The following RGS20 variants were observed in gnomAD, a reference collection of about 807,000 sequenced individuals.
The protein encoded by RGS20 is regulator of G protein signaling 20.
A neutral mutation model predicts 33.6 loss-of-function variants in RGS20; 30 were observed. The ratio of observed to expected loss-of-function variants is 0.89; its 90% CI spans 0.67 to 1.21. RGS20 has a LOEUF of 1.21. RGS20 is among the 50% of genes most tolerant of loss of function. The pLI is 0.00. For missense variants in RGS20, 472 were observed against 502.4 expected (o/e 0.94, Z 0.58); for synonymous variants, 208 against 197.9 (o/e 1.05, Z -0.43).
chr8:53,876,812 C>T (rs1812219213), intron 1 of RGS20, among the ~76,000 whole-genome samples: 1 of 152,220 alleles, frequency 6.6e-6, no homozygotes, highest in South Asian at 2.1e-4. Flanking sequence ...TGACTGTCTC[C>T]AGAGGAGCAA....
At chr8:53,922,611 T>C (rs1813680149) in intron 2 of RGS20, among the ~76,000 whole-genome samples, 1 of 152,226 alleles carries the variant, frequency 6.6e-6, no homozygotes, top group Non-Finnish European at 1.5e-5. Context: ...TTGTTTTATG[T>C]TGATATTTTC....
intron 2 of RGS20, among the ~76,000 whole-genome samples, chr8:53,892,542 G>T (rs1184281569): frequency 2.0e-5 from 3 of 152,154 alleles, no homozygotes; most frequent in African/African-American, 7.2e-5. Flanking sequence ...GCTTCAGATT[G>T]CAGTTATGTA....
intron 1 of RGS20, among the ~76,000 whole-genome samples, chr8:53,853,462 A>T (rs1811608953): frequency 1.3e-5 from 2 of 152,238 alleles, no homozygotes; most frequent in Non-Finnish European, 2.9e-5. Flanking sequence ...CTAACCTGTT[A>T]ACAGGTTCCA....
At chr8:53,871,877 T>G (rs7004580) in intron 1 of RGS20, among the ~76,000 whole-genome samples, 144,632 of 152,060 alleles carry the variant, frequency 0.95, 68,858 homozygotes, top group East Asian at 1. Context: ...CCAATTCCAG[T>G]AGCTTTAAAT....
intron 2 of RGS20, among the ~76,000 whole-genome samples, chr8:53,915,988 G>C (rs1813473016): frequency 6.6e-6 from 1 of 151,878 alleles, no homozygotes; most frequent in South Asian, 2.1e-4. Flanking sequence ...GGTAAAATAT[G>C]CTTTAATAAT....
chr8:53,862,975 ATTTTC>A (rs537731016), intron 1 of RGS20, among the ~76,000 whole-genome samples: 10 of 151,884 alleles, frequency 6.6e-5, no homozygotes, highest in South Asian at 2.1e-4. Flanking sequence ...AGCTCATGAC[ATTTTC>A]TTTTCTTTTC....
rs535495503 is a variant in RGS20, at chr8:53,906,673, G to A, written c.510+27071G>A. On this transcript the variant is annotated intron_variant, in intron 2 of 5. Transcript: ENST00000297313. The stretch of plus-strand genomic sequence containing the variant: ...TACAGGAGGATATTCCTGGAATATC[G>A]CAGTGCTTTTCATGCACCTGGGAAC... Among the ~76,000 whole-genome samples, 6 of 152,278 alleles carry A rather than the reference G, an allele frequency of 3.9e-5. No individual in the cohort carries two copies. The South Asian group carries it at 6.2e-4, about 16-fold the overall frequency.
chr8:53,934,254 A>G (rs1190836145), intron 2 of RGS20, among the ~76,000 whole-genome samples: 1 of 152,216 alleles, frequency 6.6e-6, no homozygotes, highest in Non-Finnish European at 1.5e-5. Context: ...ATTCACACAT[A>G]ACAATATTAA....
chr8:53,881,046 G>C (rs576915902), intron 2 of RGS20: 3 of 1,555,698 alleles, frequency 1.9e-6, no homozygotes, highest in Non-Finnish European at 1.7e-6. Flanking sequence ...CGAGCCGGCC[G>C]GGGCTTCCTC....
At chr8:53,882,564 C>T (rs1168809621) in intron 2 of RGS20, among the ~76,000 whole-genome samples, 5 of 150,596 alleles carry the variant, frequency 3.3e-5, no homozygotes, top group African/African-American at 1.2e-4. Context: ...GGAATCTCCT[C>T]GATTCCTGTC....
At chr8:53,873,960 A>G (rs1480721864) in intron 1 of RGS20, among the ~76,000 whole-genome samples, 1 of 152,148 alleles carries the variant, frequency 6.6e-6, no homozygotes, top group Non-Finnish European at 1.5e-5. Flanking sequence ...GCCCTTTAGG[A>G]GGCCGAGGAG....
Position 53,857,838 on chromosome 8 carries a change from C to T in RGS20, c.165+5774C>T, listed in dbSNP as rs183954217. Among the ~76,000 whole-genome samples the T allele has an allele frequency of 5.3e-5, 8 of 151,938 alleles. No individual in the cohort carries two copies. In the East Asian group the frequency reaches 1.4e-3, roughly 26 times the overall value. On this transcript the variant is annotated intron_variant, in intron 1 of 5. Coordinates refer to ENST00000297313, the MANE Select transcript of RGS20 (RefSeq NM_170587.4). Reference sequence around the variant, plus strand: ...TTCCAAACATTTTGTTTAAGGAATACTTAGCTTGTAATCATGTATATTTCA... The same window carrying T: ...TTCCAAACATTTTGTTTAAGGAATATTTAGCTTGTAATCATGTATATTTCA...
intron 4 of RGS20, among the ~76,000 whole-genome samples, chr8:53,947,131 A>G (rs906449714): frequency 3.4e-5 from 5 of 146,976 alleles, no homozygotes; most frequent in South Asian, 2.1e-4. Flanking sequence ...ATACTTATAT[A>G]TGCTATATAT....
At chr8:53,915,096 A>G (rs1183208889) in intron 2 of RGS20, among the ~76,000 whole-genome samples, 2 of 151,794 alleles carry the variant, frequency 1.3e-5, no homozygotes, top group Non-Finnish European at 2.9e-5. Context: ...GTGAGCCGAG[A>G]TCGCGCCACT....
At chr8:53,926,889 G>C (rs2129287880) in intron 2 of RGS20, among the ~76,000 whole-genome samples, 1 of 151,934 alleles carries the variant, frequency 6.6e-6, no homozygotes, top group East Asian at 1.9e-4. Flanking sequence ...CTCCAGCCTG[G>C]GTGACAGAGC....
At chr8:53,911,275 T>C (rs866757114) in intron 2 of RGS20, among the ~76,000 whole-genome samples, 5 of 151,954 alleles carry the variant, frequency 3.3e-5, no homozygotes, top group Admixed American at 6.6e-5. Flanking sequence ...TGAAGAATAA[T>C]GAAAATAAAA....
intron 2 of RGS20, among the ~76,000 whole-genome samples, chr8:53,902,631 T>C (rs566171635): frequency 1.3e-5 from 2 of 152,388 alleles, no homozygotes; most frequent in South Asian, 4.1e-4. Context: ...ATAGTTGCAA[T>C]ATTTGCACTG....
chr8:53,909,213 A>ATGTG (rs1370693848), intron 2 of RGS20, among the ~76,000 whole-genome samples: 53 of 21,562 alleles, frequency 2.5e-3, no homozygotes, highest in African/African-American at 7.9e-3. Context: ...ATGTGTGTAT[A>ATGTG]TATATATATA....
At chr8:53,858,845 TC>T in intron 1 of RGS20, among the ~76,000 whole-genome samples, 1 of 138,444 alleles carries the variant, frequency 7.2e-6, no homozygotes, top group South Asian at 2.5e-4. Context: ...GTCCAATGCC[TC>T]CTTGACTGTC....
Sources: allele counts gnomAD v4.1 joint callset (sites outside exome capture counted in the v4.1 genomes callset), GRCh38; gene constraint gnomAD v4.1.1; transcripts MANE v1.5; gene names NCBI Gene and HGNC (gene_info 2026-07-23, HGNC 2026-07-21).